Variants in RSBN1L observed in about 807,000 individuals in gnomAD.
RSBN1L encodes round spermatid basic protein 1 like.
In RSBN1L, 30 loss-of-function variants were observed where a neutral mutation model predicts 67.7. The observed-to-expected ratio is 0.44, with a 90% CI of 0.33 to 0.60. The LOEUF (loss-of-function observed/expected upper bound fraction) is 0.60. RSBN1L is among the 20% of genes least tolerant of loss of function. The pLI is 0.02. For synonymous variants in RSBN1L, 433 were observed against 387.0 expected (o/e 1.12, Z -1.39); for missense variants, 992 against 1,031.7 (o/e 0.96, Z 0.53).
intron 1 of RSBN1L, among the ~76,000 whole-genome samples, chr7:77,727,753 G>A (rs73149700): frequency 0.018 from 2,776 of 151,986 alleles, 38 homozygotes; most frequent in Middle Eastern, 0.034. Flanking sequence ...GGTGTAAGCC[G>A]CTGAGCCTGG....
At chr7:77,767,547 G>C (rs1167661536) in intron 4 of RSBN1L, among the ~76,000 whole-genome samples, 2 of 151,506 alleles carry the variant, frequency 1.3e-5, no homozygotes, top group Non-Finnish European at 2.9e-5. Flanking sequence ...CTAATTTTTT[G>C]TATCTTTAGT....
intron 3 of RSBN1L, among the ~76,000 whole-genome samples, chr7:77,756,878 T>C (rs1791627234): frequency 1.3e-5 from 2 of 151,204 alleles, no homozygotes; most frequent in African/African-American, 4.9e-5. Context: ...GCTATATGTG[T>C]TTTGTATTTT....
intron 1 of RSBN1L, among the ~76,000 whole-genome samples, chr7:77,708,026 T>C (rs1018188304): frequency 1.3e-5 from 2 of 152,234 alleles, no homozygotes; most frequent in African/African-American, 2.4e-5. Context: ...TTCAGATCTT[T>C]AGATAGTCTG....
Position 77,779,022 on chromosome 7 carries a change from A to G in RSBN1L, c.2395A>G (p.Lys799Glu), listed in dbSNP as rs1038153288. Residue 799 changes from lysine to glutamate, a missense_variant, in exon 8 of 8, where the codon AAG (lysine) becomes GAG (glutamate). Lys to Glu is a moderately conservative substitution (Grantham distance 56, BLOSUM62 1). Coordinates refer to ENST00000334955, the MANE Select transcript of RSBN1L (RefSeq NM_198467.3). Reference protein sequence around the residue: ...KLDHVQFAEFKIDMDSKFENS... With the variant: ...KLDHVQFAEFEIDMDSKFENS... ...GGATCATGTTCAATTTGCAGAATTT[A>G]AGATTGACATGGATTCTAAATTTGA... 6.2e-7 allele frequency: 1 copy of G among 1,613,980 alleles called. No homozygotes were observed. Among genetic ancestry groups the G allele is most frequent in the African/African-American group, 1.3e-5 (1 of 74,938 alleles).
At chr7:77,707,190 A>G (rs1247961292) in intron 1 of RSBN1L, among the ~76,000 whole-genome samples, 1 of 151,922 alleles carries the variant, frequency 6.6e-6, no homozygotes, top group Non-Finnish European at 1.5e-5. Flanking sequence ...CGCCCAGCTA[A>G]TTTTTGTATT....
Position 77,778,976 on chromosome 7 carries a change from C to T in RSBN1L, c.2349C>T (p.Gly783=). ...CTACAGCACTGAATAATATGGATGG[C>T]AAGAATGTTAAAGCAAAATTGGATC... ...EKTTALNNMD[G]KNVKAKLDHV... The change falls in exon 8 of 8, where the codon GGC becomes GGT. Residue 783 remains glycine (G), a synonymous_variant. Coordinates refer to ENST00000334955, the MANE Select transcript of RSBN1L (RefSeq NM_198467.3). 1.2e-6 allele frequency: 2 copies of T among 1,613,856 alleles called. No individual in the cohort carries two copies. The highest frequency in any genetic ancestry group is 1.7e-6 in the Non-Finnish European group (2 of 1,179,880).
chr7:77,733,972 C>T (rs914376147), intron 1 of RSBN1L, among the ~76,000 whole-genome samples: 1 of 152,128 alleles, frequency 6.6e-6, no homozygotes, highest in East Asian at 1.9e-4. Context: ...ACTAAAAATA[C>T]AAAAATTAGC....
At chr7:77,766,427 C>T (rs561260034) in intron 4 of RSBN1L, among the ~76,000 whole-genome samples, 10 of 152,248 alleles carry the variant, frequency 6.6e-5, no homozygotes, top group African/African-American at 2.4e-4. Flanking sequence ...TCAAGTGATC[C>T]TCCTGTCTTG....
intron 1 of RSBN1L, among the ~76,000 whole-genome samples, chr7:77,732,145 G>A (rs139702838): frequency 1.6e-3 from 247 of 152,144 alleles, no homozygotes; most frequent in African/African-American, 5.5e-3. Context: ...GATCAGTTAC[G>A]AATTTTTCCC....
chr7:77,778,715 G>A lies in RSBN1L; in HGVS notation c.2088G>A (p.Glu696=), dbSNP rs772422139. The A allele has an allele frequency of 1.9e-6, 3 of 1,614,024 alleles. No individual in the cohort carries two copies. Among genetic ancestry groups the A allele is most frequent in the Non-Finnish European group, 2.5e-6 (3 of 1,179,990 alleles). ...TTCGGCTCAAATTATATCACTCAGAGGAGGACACTTCTCAGAATACAGCTA... is the reference window on the plus strand; with the variant it reads ...TTCGGCTCAAATTATATCACTCAGAAGAGGACACTTCTCAGAATACAGCTA... ...WHIRLKLYHS[E]EDTSQNTATH... The change falls in exon 8 of 8, where the codon GAG becomes GAA. Residue 696 remains glutamate, a synonymous_variant. Coordinates refer to ENST00000334955, the MANE Select transcript of RSBN1L (RefSeq NM_198467.3).
At chr7:77,709,188 G>A (rs867570632) in intron 1 of RSBN1L, among the ~76,000 whole-genome samples, 13,080 of 141,054 alleles carry the variant, frequency 0.093, 525 homozygotes, top group Middle Eastern at 0.13. Flanking sequence ...GTGTGTGTGT[G>A]TGTGTGTGTA....
rs78133695 is a variant in RSBN1L, at chr7:77,721,238, T to C, written c.587-15172T>C. 3.0e-3 allele frequency among the ~76,000 whole-genome samples: 449 copies of C among 152,094 alleles called. 11 individuals are homozygous for C. The highest frequency in any genetic ancestry group is 0.024 in the Admixed American group (370 of 15,266). On this transcript the variant is annotated intron_variant, in intron 1 of 7. Coordinates refer to ENST00000334955, the MANE Select transcript of RSBN1L (RefSeq NM_198467.3). The stretch of plus-strand genomic sequence containing the variant: ...TGTTGGTAATTTTGTTTTTTTTTTT[T>C]CTGTGTATTGCTTTTTTGTCTTCTA...
chr7:77,741,642 A>G (rs1791411721), intron 2 of RSBN1L, among the ~76,000 whole-genome samples: 1 of 151,494 alleles, frequency 6.6e-6, no homozygotes, highest in African/African-American at 2.4e-5. Flanking sequence ...CAGTGAGCCA[A>G]GATCGTGCCA....
intron 2 of RSBN1L, among the ~76,000 whole-genome samples, chr7:77,748,941 C>T (rs1791519397): frequency 6.6e-6 from 1 of 152,148 alleles, no homozygotes; most frequent in African/African-American, 2.4e-5. Flanking sequence ...CTCTCTCTGT[C>T]TCTCTCTCGC....
At chr7:77,740,689 C>G (rs973599448) in intron 2 of RSBN1L, among the ~76,000 whole-genome samples, 1 of 152,130 alleles carries the variant, frequency 6.6e-6, no homozygotes, top group Non-Finnish European at 1.5e-5. Context: ...AGAATTAACT[C>G]AATGAATTTG....
chr7:77,765,671 TA>T, intron 4 of RSBN1L, 39 bp downstream of exon 4: 7 of 1,401,790 alleles, frequency 5.0e-6, no homozygotes, highest in African/African-American at 1.5e-5. Context: ...GTTTTTTTTT[TA>T]AAAAAGGGAA....
At chr7:77,751,703 T>G (rs1406178586) in intron 3 of RSBN1L, among the ~76,000 whole-genome samples, 1 of 152,232 alleles carries the variant, frequency 6.6e-6, no homozygotes, top group Admixed American at 6.5e-5. Flanking sequence ...GAGTATTTTA[T>G]ATGTAGTAAC....
chr7:77,760,465 C>T (rs1264766183), intron 3 of RSBN1L, among the ~76,000 whole-genome samples: 1 of 152,010 alleles, frequency 6.6e-6, no homozygotes, highest in African/African-American at 2.4e-5. Context: ...TTCTGAAGGC[C>T]ACTATTTAAA....
chr7:77,737,696 G>A (rs1791355399), intron 2 of RSBN1L, among the ~76,000 whole-genome samples: 1 of 152,266 alleles, frequency 6.6e-6, no homozygotes, highest in South Asian at 2.1e-4. Flanking sequence ...AACCACACTA[G>A]TTATTTATAG....
Sources: allele counts gnomAD v4.1 joint callset (sites outside exome capture counted in the v4.1 genomes callset), GRCh38; gene constraint gnomAD v4.1.1; transcripts MANE v1.5; gene names NCBI Gene and HGNC (gene_info 2026-07-23, HGNC 2026-07-21).